Variants in FAAH2 observed in about 807,000 individuals in gnomAD.
FAAH2 encodes fatty acid amide hydrolase 2.
In FAAH2, 60 loss-of-function variants were observed where a neutral mutation model predicts 36.9. The observed-to-expected ratio is 1.63, with a 90% CI of 1.32 to 2.02. The LOEUF is 2.02. Ranked by LOEUF, FAAH2 falls within the 30% of genes most tolerant of loss-of-function variation. The pLI, the probability that FAAH2 is intolerant of heterozygous loss-of-function variation, is 0.00. For missense variants in FAAH2, 689 were observed against 397.5 expected, an observed-to-expected ratio of 1.73 and a Z score of -6.23; for synonymous variants, 214 against 143.8, an observed-to-expected ratio of 1.49 and a Z score of -3.49.
chrX:57,315,389 C>A (rs112459838), intron 3 of FAAH2, among the ~76,000 whole-genome samples: 1 of 111,330 alleles, frequency 9.0e-6, no homozygotes. Context: ...AGGAGGGACT[C>A]CTCTCTAACT....
At chrX:57,371,451 T>A (rs2054548533) in intron 5 of FAAH2, among the ~76,000 whole-genome samples, 1 of 112,081 alleles carries the variant, frequency 8.9e-6, no homozygotes, top group Non-Finnish European at 1.9e-5. Flanking sequence ...CATAGTACTC[T>A]GTGATACCAC....
chrX:57,212,329 C>T, the FAAH2 span, among the ~76,000 whole-genome samples: 1 of 111,938 alleles, frequency 8.9e-6, no homozygotes, highest in Non-Finnish European at 1.9e-5. Flanking sequence ...TATGACACCT[C>T]CAAAGAAACA....
intron 10 of FAAH2, among the ~76,000 whole-genome samples, chrX:57,455,799 A>G (rs1007246895): frequency 4.5e-5 from 5 of 112,334 alleles, no homozygotes; most frequent in African/African-American, 1.6e-4. Flanking sequence ...ACCTGGATTC[A>G]TAAAGGAAGT....
chrX:57,289,979 T>C (rs2051928784), intron 1 of FAAH2, among the ~76,000 whole-genome samples: 1 of 111,321 alleles, frequency 9.0e-6, no homozygotes, highest in Non-Finnish European at 1.9e-5. Context: ...GCAAGGTTCA[T>C]TTGGAATAAG....
At chrX:57,450,318 T>C (rs1280219054) in intron 10 of FAAH2, among the ~76,000 whole-genome samples, 2 of 110,117 alleles carry the variant, frequency 1.8e-5, no homozygotes, top group Admixed American at 9.9e-5. Flanking sequence ...ATACATTATC[T>C]CATTTATGTT....
chrX:57,321,545 A>T (rs1185945057), intron 3 of FAAH2, among the ~76,000 whole-genome samples: 1 of 110,216 alleles, frequency 9.1e-6, no homozygotes, highest in African/African-American at 3.3e-5. Flanking sequence ...TTTTTAATTA[A>T]AAAAATAGGT....
the FAAH2 span, among the ~76,000 whole-genome samples, chrX:57,235,046 A>G: frequency 9.0e-6 from 1 of 111,223 alleles, no homozygotes; most frequent in Non-Finnish European, 1.9e-5. Flanking sequence ...TCCATGGCCC[A>G]GGGACTGGGG....
the FAAH2 span, among the ~76,000 whole-genome samples, chrX:57,265,116 G>A: frequency 9.0e-6 from 1 of 111,284 alleles, no homozygotes; most frequent in African/African-American, 3.3e-5. Context: ...TTTGGGTCAG[G>A]TGGTCCCCTT....
chrX:57,422,649 C>T (rs892044475), intron 7 of FAAH2, among the ~76,000 whole-genome samples: 1 of 111,698 alleles, frequency 9.0e-6, no homozygotes, highest in Admixed American at 9.5e-5. Flanking sequence ...AGGTTCACTC[C>T]ATTGTTCCTT....
chrX:57,383,362 A>T (rs1489711728), intron 7 of FAAH2, among the ~76,000 whole-genome samples: 3 of 111,964 alleles, frequency 2.7e-5, no homozygotes, highest in Non-Finnish European at 5.6e-5. Context: ...AGGGTTTTCA[A>T]CTAGAAAAGA....
chrX:57,337,931 G>A (rs750724952), intron 4 of FAAH2, among the ~76,000 whole-genome samples: 1 of 111,796 alleles, frequency 8.9e-6, no homozygotes, highest in Non-Finnish European at 1.9e-5. Flanking sequence ...AAGAAATAAA[G>A]CATATTCAAA....
chrX:57,236,363 G>A, the FAAH2 span, among the ~76,000 whole-genome samples: 1 of 112,285 alleles, frequency 8.9e-6, no homozygotes, highest in East Asian at 2.8e-4. Flanking sequence ...AAACCCAGTG[G>A]TGAAATTACT....
At chrX:57,352,762 G>A (rs1378471710) in intron 5 of FAAH2, among the ~76,000 whole-genome samples, 1 of 111,120 alleles carries the variant, frequency 9.0e-6, no homozygotes, top group Non-Finnish European at 1.9e-5. Context: ...ATTCAGGAAA[G>A]GTTCAAGATA....
chrX:57,258,294 A>G, the FAAH2 span, among the ~76,000 whole-genome samples: 1 of 111,792 alleles, frequency 8.9e-6, no homozygotes, highest in African/African-American at 3.2e-5. Context: ...AAATAAACTC[A>G]ATATGAATTA....
chrX:57,222,321 A>G, the FAAH2 span, among the ~76,000 whole-genome samples: 527 of 111,408 alleles, frequency 4.7e-3, 2 homozygotes, highest in Non-Finnish European at 7.7e-3. Flanking sequence ...TCTACTCCAG[A>G]AGGCTCTCAC....
chrX:57,205,386 A>G, the FAAH2 span, among the ~76,000 whole-genome samples: 34 of 112,554 alleles, frequency 3.0e-4, no homozygotes, highest in Middle Eastern at 4.6e-3. Flanking sequence ...GAGGTGTATG[A>G]GCCCTAATAT....
chrX:57,299,305 GA>G (rs1322446452), intron 2 of FAAH2, among the ~76,000 whole-genome samples: 1 of 111,736 alleles, frequency 8.9e-6, no homozygotes, highest in Non-Finnish European at 1.9e-5. Context: ...TTCAACATCG[GA>G]AAACGAATAA....
intron 7 of FAAH2, among the ~76,000 whole-genome samples, chrX:57,426,938 A>T (rs1052399956): frequency 9.0e-6 from 1 of 111,527 alleles, no homozygotes; most frequent in Non-Finnish European, 1.9e-5. Context: ...AAACAATATT[A>T]AAAAGCAATG....
chrX:57,222,012 CA>C, the FAAH2 span, among the ~76,000 whole-genome samples: 3 of 110,984 alleles, frequency 2.7e-5, 1 homozygote, highest in Non-Finnish European at 5.7e-5. Context: ...AACTTCTTCC[CA>C]AAATGCGAGT....
Sources: gnomAD v4.1 joint callset for allele counts (sites outside exome capture counted in the v4.1 genomes callset) on GRCh38, gnomAD v4.1.1 for gene constraint, MANE v1.5 for transcripts, NCBI Gene and HGNC (gene_info 2026-07-23, HGNC 2026-07-21) for gene names.